MTA3: variants seen among roughly 807,000 people sequenced by gnomAD.
MTA3 encodes metastasis-associated protein MTA3.
In MTA3, 34 loss-of-function variants were observed where a neutral mutation model predicts 83.5. That is an observed-to-expected ratio of 0.41 (90% CI 0.31 to 0.54). MTA3 has a LOEUF of 0.54. Among genes scored for constraint, MTA3 ranks in the 20% least tolerant of loss-of-function variants. The pLI is 0.33. For synonymous variants in MTA3, 303 were observed against 252.7 expected (o/e 1.20, Z -1.89); for missense variants, 761 against 726.4 (o/e 1.05, Z -0.55).
intron 3 of MTA3, among the ~76,000 whole-genome samples, chr2:42,608,859 G>T (rs1428229558): frequency 6.6e-6 from 1 of 152,014 alleles, no homozygotes; most frequent in Non-Finnish European, 1.5e-5. Flanking sequence ...ACTCCAGCCT[G>T]GGCGACAGAG....
At chr2:42,524,953 GTC>G (rs1339762230) in intron 2 of MTA3, among the ~76,000 whole-genome samples, 1 of 140,382 alleles carries the variant, frequency 7.1e-6, no homozygotes, top group Non-Finnish European at 1.5e-5. Context: ...GCGCCTGTGG[GTC>G]TCTTTTTTTT....
intron 4 of MTA3, among the ~76,000 whole-genome samples, chr2:42,635,771 TG>T (rs1354474763): frequency 6.6e-6 from 1 of 152,146 alleles, no homozygotes; most frequent in African/African-American, 2.4e-5. Context: ...GGAATTTTTC[TG>T]TTTTTTTTTC....
chr2:42,606,751 T>A (rs1231317348), intron 3 of MTA3, among the ~76,000 whole-genome samples: 1 of 151,510 alleles, frequency 6.6e-6, no homozygotes, highest in East Asian at 1.9e-4. Flanking sequence ...TAGGTTGTAG[T>A]GAGCCGAGAT....
chr2:42,686,674 A>C (rs1259039269), intron 9 of MTA3, among the ~76,000 whole-genome samples: 1 of 152,044 alleles, frequency 6.6e-6, no homozygotes, highest in African/African-American at 2.4e-5. Context: ...AAAATACAAA[A>C]CAATTAGCTG....
chr2:42,563,813 T>A (rs1335265844), upstream of MTA3, among the ~76,000 whole-genome samples: 2 of 148,732 alleles, frequency 1.3e-5, no homozygotes, highest in African/African-American at 2.5e-5. Context: ...CCTTCCTTCC[T>A]TCCTTCCTTC....
intron 2 of MTA3, among the ~76,000 whole-genome samples, chr2:42,515,789 C>T (rs999152061): frequency 6.6e-6 from 1 of 151,570 alleles, no homozygotes; most frequent in South Asian, 2.1e-4. Context: ...CGTGAACCAC[C>T]GTGCCCAGTC....
At chr2:42,663,423 AGCATTTTAAAGAG>A (rs1689922750) in intron 8 of MTA3, among the ~76,000 whole-genome samples, 1 of 152,220 alleles carries the variant, frequency 6.6e-6, no homozygotes, top group African/African-American at 2.4e-5. Flanking sequence ...ATTTTAAAGA[AGCATTTTAAAGAG>A]GATTCTACCT....
intron 3 of MTA3, among the ~76,000 whole-genome samples, chr2:42,596,642 T>TA (rs1342531607): frequency 6.6e-6 from 1 of 152,222 alleles, no homozygotes; most frequent in Non-Finnish European, 1.5e-5. Flanking sequence ...ATTAATACTT[T>TA]AAAATTGATG....
At chr2:42,531,773 T>C (rs908519670) in intron 2 of MTA3, among the ~76,000 whole-genome samples, 1 of 150,758 alleles carries the variant, frequency 6.6e-6, no homozygotes, top group African/African-American at 2.4e-5. Context: ...TTTGTTTTTT[T>C]TGAGACGGAG....
intron 2 of MTA3, among the ~76,000 whole-genome samples, chr2:42,552,212 G>A (rs1677143692): frequency 6.6e-6 from 1 of 152,168 alleles, no homozygotes; most frequent in South Asian, 2.1e-4. Flanking sequence ...TGCCTGGCAT[G>A]TCTAGGGAAT....
rs910480257 is a variant in MTA3, at chr2:42,697,935, T to C, written c.1025+101T>C. The C allele has an allele frequency of 9.1e-6, 7 of 773,148 alleles. No individual in the cohort carries two copies. The African/African-American group carries it at 1.3e-4, about 14-fold the overall frequency. 47.9% of individuals were successfully genotyped at this position (773,148 alleles called of 1,614,324 possible). A position where few individuals can be genotyped will look rare whatever the true frequency, so the allele number is the denominator to read the frequency against. On this transcript the variant is annotated intron_variant, in intron 11 of 16. Coordinates refer to ENST00000405094, the MANE Select transcript of MTA3 (RefSeq NM_001330442.2). ...TTTCAGCAAAATTTGAACTTTTGTG[T>C]ATCTTTCTTCTTCTACAAAGCATGA...
chr2:42,706,638 A>T (rs920328139), intron 12 of MTA3, among the ~76,000 whole-genome samples: 2 of 152,232 alleles, frequency 1.3e-5, no homozygotes, highest in Non-Finnish European at 2.9e-5. Flanking sequence ...TATGCACCCA[A>T]TTAACTTATG....
intron 2 of MTA3, among the ~76,000 whole-genome samples, chr2:42,575,307 A>C (rs992273507): frequency 2.0e-5 from 3 of 152,154 alleles, no homozygotes; most frequent in Non-Finnish European, 4.4e-5. Context: ...GTCTTCCTAG[A>C]GTGTCAGCTG....
At chr2:42,735,233 A>G (rs1668522731) in intron 16 of MTA3, among the ~76,000 whole-genome samples, 1 of 152,186 alleles carries the variant, frequency 6.6e-6, no homozygotes, top group Non-Finnish European at 1.5e-5. Flanking sequence ...TTTGCTGGAT[A>G]TACTATTCTA....
intron 6 of MTA3, among the ~76,000 whole-genome samples, chr2:42,651,069 A>C (rs1688671940): frequency 6.6e-6 from 1 of 151,796 alleles, no homozygotes; most frequent in Non-Finnish European, 1.5e-5. Flanking sequence ...ACAGCATGTT[A>C]CTATACTGAA....
At chr2:42,726,551 T>A (rs936765192) in intron 16 of MTA3, among the ~76,000 whole-genome samples, 9 of 152,098 alleles carry the variant, frequency 5.9e-5, no homozygotes, top group Non-Finnish European at 1.2e-4. Flanking sequence ...TTCCCCTTCC[T>A]GTGTCCATGT....
chr2:42,629,562 G>A (rs945123013), intron 4 of MTA3, among the ~76,000 whole-genome samples: 3 of 152,110 alleles, frequency 2.0e-5, no homozygotes, highest in African/African-American at 7.2e-5. Flanking sequence ...TAAGGTCCTT[G>A]AACAAGGAGG....
chr2:42,638,619 G>A (rs570053227), intron 4 of MTA3, among the ~76,000 whole-genome samples: 5 of 151,706 alleles, frequency 3.3e-5, no homozygotes, highest in Non-Finnish European at 7.4e-5. Context: ...CTTCTACCTC[G>A]GCCTCCCAAA....
chr2:42,588,486 A>G (rs1478260320), intron 3 of MTA3, among the ~76,000 whole-genome samples: 3 of 152,220 alleles, frequency 2.0e-5, no homozygotes, highest in Non-Finnish European at 4.4e-5. Context: ...AGGATTTTTA[A>G]TGATTTAGCA....
Sources: gnomAD v4.1 joint callset for allele counts (sites outside exome capture counted in the v4.1 genomes callset) on GRCh38, gnomAD v4.1.1 for gene constraint, MANE v1.5 for transcripts, NCBI Gene and HGNC (gene_info 2026-07-23, HGNC 2026-07-21) for gene names.